EXOC6B: variants seen among roughly 807,000 people sequenced by gnomAD.
EXOC6B encodes SEC15 homolog B.
EXOC6B carries 54 observed loss-of-function variants against 113.5 expected under a neutral mutation model. The ratio of observed to expected loss-of-function variants is 0.48; its 90% CI spans 0.38 to 0.60. EXOC6B has a LOEUF of 0.60. EXOC6B is among the 20% of genes least tolerant of loss of function. EXOC6B has a pLI of 0.00. For synonymous variants in EXOC6B, 357 were observed against 339.0 expected (o/e 1.05, Z -0.58); for missense variants, 797 against 977.5 (o/e 0.82, Z 2.46).
intron 1 of EXOC6B, among the ~76,000 whole-genome samples, chr2:72,793,708 A>T (rs1191785091): frequency 6.6e-6 from 1 of 152,220 alleles, no homozygotes; most frequent in Non-Finnish European, 1.5e-5. Flanking sequence ...TAGGTGTAAG[A>T]GAAAGTCACT....
chr2:72,298,783 CT>C (rs1686312297), intron 20 of EXOC6B, among the ~76,000 whole-genome samples: 1 of 152,142 alleles, frequency 6.6e-6, no homozygotes, highest in Middle Eastern at 3.2e-3. Flanking sequence ...GTTGAAAATT[CT>C]TTTCTTTAAG....
At chr2:72,379,698 T>C (rs754049174) in intron 19 of EXOC6B, 31 bp downstream of exon 19, 1 of 1,558,846 alleles carries the variant, frequency 6.4e-7, no homozygotes, top group Non-Finnish European at 8.7e-7. Flanking sequence ...GCTGGTAAGA[T>C]AAACAAGCAC....
At chr2:72,588,303 A>T (rs1003085921) in intron 6 of EXOC6B, among the ~76,000 whole-genome samples, 2 of 152,162 alleles carry the variant, frequency 1.3e-5, no homozygotes, top group Non-Finnish European at 2.9e-5. Flanking sequence ...GGATGAATGG[A>T]TAAAGAAAAT....
chr2:72,240,502 T>C (rs1206065629), intron 20 of EXOC6B, among the ~76,000 whole-genome samples: 7 of 152,206 alleles, frequency 4.6e-5, no homozygotes, highest in African/African-American at 1.7e-4. Context: ...GGAGTATACA[T>C]AGGAATGACC....
At chr2:72,220,933 T>G (rs1408697183) in intron 20 of EXOC6B, among the ~76,000 whole-genome samples, 1 of 152,194 alleles carries the variant, frequency 6.6e-6, no homozygotes, top group Non-Finnish European at 1.5e-5. Flanking sequence ...TCAGTTTACT[T>G]AGGATATCCA....
At chr2:72,575,806 G>T in intron 6 of EXOC6B, 138 bp from the exon 7 acceptor site, 1 of 708,860 alleles carries the variant, frequency 1.4e-6, no homozygotes, top group Non-Finnish European at 2.1e-6. Context: ...ATATCTTAAC[G>T]AAAATACTAC....
At chr2:72,419,496 A>G (rs892027090) in intron 18 of EXOC6B, among the ~76,000 whole-genome samples, 3 of 152,334 alleles carry the variant, frequency 2.0e-5, no homozygotes, top group Admixed American at 6.5e-5. Context: ...TTTAGTGGTA[A>G]TTAAGTCCCT....
chr2:72,482,126 T>C (rs1699134958), intron 16 of EXOC6B, among the ~76,000 whole-genome samples: 1 of 152,194 alleles, frequency 6.6e-6, no homozygotes, highest in African/African-American at 2.4e-5. Context: ...AGCATAAGCA[T>C]AATATGGCAG....
chr2:72,635,909 T>G (rs1452089182), intron 6 of EXOC6B, among the ~76,000 whole-genome samples: 1 of 152,174 alleles, frequency 6.6e-6, no homozygotes, highest in Non-Finnish European at 1.5e-5. Context: ...GAAAAATAAA[T>G]TAATGTGATA....
At chr2:72,706,015 T>C (rs994163499) in intron 6 of EXOC6B, among the ~76,000 whole-genome samples, 10 of 152,314 alleles carry the variant, frequency 6.6e-5, no homozygotes, top group South Asian at 2.1e-4. Context: ...CCAAACTTCA[T>C]TGGGATAGAA....
At chr2:72,741,157 G>T in intron 2 of EXOC6B, 147 bp downstream of exon 2, 1 of 753,942 alleles carries the variant, frequency 1.3e-6, no homozygotes, top group Non-Finnish European at 2.0e-6. Context: ...ATACTCTCAA[G>T]AATGTACGTT....
Position 72,497,005 on chromosome 2 carries a change from G to A in EXOC6B, c.1338-446C>T, listed in dbSNP as rs549438311. Among the ~76,000 whole-genome samples, 11 of 148,468 alleles carry A rather than the reference G, an allele frequency of 7.4e-5. No homozygotes were observed. In the South Asian group the frequency reaches 8.6e-4, roughly 12 times the overall value. The stretch of plus-strand genomic sequence containing the variant: ...TTATTATTATTAGAGACAGGGTCTC[G>A]CTCTGTCACCCAGGCTGGATTGCAG... On this transcript the variant is annotated intron_variant, in intron 13 of 21. Coordinates refer to ENST00000272427, the MANE Select transcript of EXOC6B (RefSeq NM_015189.3).
At chr2:72,230,193 C>A (rs1478164787) in intron 20 of EXOC6B, among the ~76,000 whole-genome samples, 1 of 152,162 alleles carries the variant, frequency 6.6e-6, no homozygotes. Context: ...AAATTTAACT[C>A]CGCGTGTCCC....
At chr2:72,478,228 C>G (rs1048167925) in intron 17 of EXOC6B, among the ~76,000 whole-genome samples, 1 of 152,200 alleles carries the variant, frequency 6.6e-6, no homozygotes, top group Admixed American at 6.5e-5. Context: ...TAAACACTTT[C>G]ATTCTCTTTT....
At chr2:72,220,820 A>G (rs1680822219) in intron 20 of EXOC6B, among the ~76,000 whole-genome samples, 1 of 152,176 alleles carries the variant, frequency 6.6e-6, no homozygotes, top group African/African-American at 2.4e-5. Context: ...CTCTAAAGAC[A>G]TTTATTTCCT....
chr2:72,623,931 T>C (rs944337147), intron 6 of EXOC6B, among the ~76,000 whole-genome samples: 3 of 152,224 alleles, frequency 2.0e-5, no homozygotes, highest in African/African-American at 7.2e-5. Context: ...AGAAGTCAAC[T>C]TTGATACTGT....
intron 6 of EXOC6B, among the ~76,000 whole-genome samples, chr2:72,669,839 C>A (rs562400685): frequency 1.2e-4 from 19 of 152,312 alleles, no homozygotes; most frequent in African/African-American, 4.1e-4. Flanking sequence ...GAAGAAATAT[C>A]CCACATCACT....
chr2:72,455,574 C>T (rs551684391), intron 18 of EXOC6B, among the ~76,000 whole-genome samples: 99 of 152,206 alleles, frequency 6.5e-4, no homozygotes, highest in Non-Finnish European at 1.1e-3. Context: ...GTTTACACCC[C>T]AGATTCACTA....
chr2:72,370,170 A>G (rs1690909026), intron 19 of EXOC6B, among the ~76,000 whole-genome samples: 2 of 152,236 alleles, frequency 1.3e-5, no homozygotes. Context: ...TACAAGAAAA[A>G]AACAAACAAC....
Sources: allele counts gnomAD v4.1 joint callset (sites outside exome capture counted in the v4.1 genomes callset), GRCh38; gene constraint gnomAD v4.1.1; transcripts MANE v1.5; gene names NCBI Gene and HGNC (gene_info 2026-07-23, HGNC 2026-07-21).